Variants in UNC13C observed in about 807,000 individuals in gnomAD.
The protein encoded by UNC13C is unc-13 homolog C.
A neutral mutation model predicts 245.4 loss-of-function variants in UNC13C; 174 were observed. The ratio of observed to expected loss-of-function variants is 0.71; its 90% CI spans 0.63 to 0.80. The LOEUF (loss-of-function observed/expected upper bound fraction) is 0.80. Ranked by LOEUF, UNC13C falls within the 30% of genes least tolerant of loss-of-function variation. The pLI, the probability that UNC13C is intolerant of heterozygous loss-of-function variation, is 0.00. For synonymous variants in UNC13C, 992 were observed against 895.1 expected, an observed-to-expected ratio of 1.11 and a Z score of -1.93; for missense variants, 2,829 against 2,602.9, an observed-to-expected ratio of 1.09 and a Z score of -1.89.
intron 30 of UNC13C, among the ~76,000 whole-genome samples, chr15:54,570,517 C>A (rs1897707692): frequency 6.6e-6 from 1 of 152,088 alleles, no homozygotes; most frequent in African/African-American, 2.4e-5. Context: ...GTAACATGAC[C>A]ATGTTCAATA....
intron 4 of UNC13C, among the ~76,000 whole-genome samples, chr15:54,228,157 T>G (rs1567116475): frequency 6.6e-6 from 1 of 152,176 alleles, no homozygotes; most frequent in Non-Finnish European, 1.5e-5. Context: ...TAGTGAGTAC[T>G]GCCTGGCTAC....
chr15:53,854,537 T>C, the UNC13C span, among the ~76,000 whole-genome samples: 1 of 152,186 alleles, frequency 6.6e-6, no homozygotes, highest in Admixed American at 6.5e-5. Flanking sequence ...CCCAACACCA[T>C]ATATTAAATA....
chr15:54,038,114 A>AAAAATTTTTTT (rs1333161559), intron 2 of UNC13C, among the ~76,000 whole-genome samples: 2 of 24,334 alleles, frequency 8.2e-5, no homozygotes, highest in African/African-American at 3.7e-4. Flanking sequence ...ATATATATAT[A>AAAAATTTTTTT]TATATATATA....
At chr15:54,229,834 A>C (rs924113853) in intron 4 of UNC13C, among the ~76,000 whole-genome samples, 1 of 152,112 alleles carries the variant, frequency 6.6e-6, no homozygotes, top group African/African-American at 2.4e-5. Flanking sequence ...TAGTTCTGAG[A>C]TCAACATTTT....
rs542494609 is a variant in UNC13C at position 54,510,922 on chromosome 15, T to A, written c.5380-831T>A. ...CTAATTATGAATTAATGTTTACTAT[T>A]CTAAGTTCACATCTAGACCTGTCAC... On this transcript the variant is annotated intron_variant, in intron 23 of 32. Coordinates refer to ENST00000260323, the MANE Select transcript of UNC13C (RefSeq NM_001080534.3). Among the ~76,000 whole-genome samples the A allele has an allele frequency of 1.2e-4, 19 of 152,298 alleles. No individual in the cohort carries two copies. In the South Asian group the frequency reaches 3.9e-3, roughly 32 times the overall value.
chr15:54,433,906 G>C (rs2040924971), intron 19 of UNC13C, among the ~76,000 whole-genome samples: 1 of 151,974 alleles, frequency 6.6e-6, no homozygotes, highest in South Asian at 2.1e-4. Flanking sequence ...AAATCGATGT[G>C]CAAAAATCAC....
In UNC13C at chr15:54,390,310, C is replaced by T. The variant is rs73417771; in HGVS notation, c.4714-2738C>T. ...TGTGATATCATGAAAGTGTAATATACATCCCATCAGCTTGTCTGTAAAAAC... is the reference window on the plus strand; with the variant it reads ...TGTGATATCATGAAAGTGTAATATATATCCCATCAGCTTGTCTGTAAAAAC... On this transcript the variant is annotated intron_variant, in intron 17 of 32. Transcript: ENST00000260323. Among the ~76,000 whole-genome samples the T allele has an allele frequency of 7.9e-3, 1,208 of 152,174 alleles. 11 individuals carry two copies. Among genetic ancestry groups the T allele is most frequent in the African/African-American group, 0.028 (1,155 of 41,500 alleles).
intron 29 of UNC13C, among the ~76,000 whole-genome samples, chr15:54,561,126 C>G (rs1265492022): frequency 1.3e-5 from 2 of 151,960 alleles, no homozygotes; most frequent in Admixed American, 6.6e-5. Flanking sequence ...TGTTCTCTGG[C>G]CTTTTGGATT....
chr15:54,307,104 G>A (rs2037746102), intron 13 of UNC13C, among the ~76,000 whole-genome samples: 1 of 151,984 alleles, frequency 6.6e-6, no homozygotes, highest in Non-Finnish European at 1.5e-5. Flanking sequence ...TTCTGAGGAT[G>A]TAAGTATGAG....
At chr15:53,988,482 C>T (rs955128911) in intron 1 of UNC13C, among the ~76,000 whole-genome samples, 1 of 151,828 alleles carries the variant, frequency 6.6e-6, no homozygotes, top group South Asian at 2.1e-4. Flanking sequence ...CTAGGTTGCA[C>T]AGAAGAAATG....
intron 17 of UNC13C, among the ~76,000 whole-genome samples, chr15:54,373,238 A>T (rs2039530901): frequency 6.6e-6 from 1 of 152,200 alleles, no homozygotes; most frequent in African/African-American, 2.4e-5. Flanking sequence ...ATATTACCAG[A>T]AGCAAGTATT....
chr15:54,435,960 G>A (rs1296525457), intron 19 of UNC13C, among the ~76,000 whole-genome samples: 1 of 151,874 alleles, frequency 6.6e-6, no homozygotes, highest in Non-Finnish European at 1.5e-5. Context: ...AGACAGTTAT[G>A]TGGCCAAGAA....
At chr15:54,414,645 C>CA (rs137983328) in intron 18 of UNC13C, among the ~76,000 whole-genome samples, 16,199 of 146,242 alleles carry the variant, frequency 0.11, 1,140 homozygotes, top group African/African-American at 0.21. Flanking sequence ...GACTCTGTCT[C>CA]AAAAAAAAAA....
At chr15:54,595,003 G>A (rs756916753) in intron 30 of UNC13C, among the ~76,000 whole-genome samples, 1 of 152,234 alleles carries the variant, frequency 6.6e-6, no homozygotes, top group Non-Finnish European at 1.5e-5. Flanking sequence ...GGAGGAGGAA[G>A]GGATGAGGAA....
chr15:54,273,718 A>G (rs1282911389), intron 10 of UNC13C, among the ~76,000 whole-genome samples: 1 of 152,208 alleles, frequency 6.6e-6, no homozygotes, highest in Non-Finnish European at 1.5e-5. Context: ...GTATTACACT[A>G]CAACCAACTG....
intron 30 of UNC13C, among the ~76,000 whole-genome samples, chr15:54,576,441 C>T (rs1566919078): frequency 6.6e-6 from 1 of 152,194 alleles, no homozygotes; most frequent in African/African-American, 2.4e-5. Flanking sequence ...TAAGCTGATA[C>T]TTAGTTTTCA....
chr15:54,452,679 C>T (rs1891245594), intron 19 of UNC13C, among the ~76,000 whole-genome samples: 1 of 152,190 alleles, frequency 6.6e-6, no homozygotes, highest in Admixed American at 6.5e-5. Flanking sequence ...GATCCTCAGA[C>T]CCCAGCAGCA....
intron 19 of UNC13C, among the ~76,000 whole-genome samples, chr15:54,489,622 C>G (rs1237233323): frequency 6.6e-6 from 1 of 152,068 alleles, no homozygotes; most frequent in African/African-American, 2.4e-5. Flanking sequence ...TAGCAGAGCC[C>G]CAAATTCAAT....
intron 1 of UNC13C, among the ~76,000 whole-genome samples, chr15:54,002,766 C>A (rs1353524897): frequency 1.3e-5 from 2 of 152,150 alleles, no homozygotes; most frequent in African/African-American, 2.4e-5. Flanking sequence ...AAATTACAGA[C>A]ATTGAGTGTA....
Sources: gnomAD v4.1 joint callset for allele counts (sites outside exome capture counted in the v4.1 genomes callset) on GRCh38, gnomAD v4.1.1 for gene constraint, MANE v1.5 for transcripts, NCBI Gene and HGNC (gene_info 2026-07-23, HGNC 2026-07-21) for gene names.